Variants in RBFOX1 observed in about 807,000 individuals in gnomAD.
RBFOX1 encodes the protein RNA binding protein fox-1 homolog 1.
Under a neutral mutation model 57.7 loss-of-function variants are expected in RBFOX1, and 8 were observed. That is an observed-to-expected ratio of 0.14 (90% confidence interval 0.08 to 0.25). RBFOX1 has a LOEUF of 0.25. Among genes scored for constraint, RBFOX1 ranks in the 10% least tolerant of loss-of-function variants. The pLI, the probability that RBFOX1 is intolerant of heterozygous loss-of-function variation, is 1.00. For missense variants in RBFOX1, 611 were observed against 548.5 expected (o/e 1.11, Z -1.14); for synonymous variants, 326 against 222.4 (o/e 1.47, Z -4.15).
Position 6,371,524 on chromosome 16 carries a change from A to G in RBFOX1, c.-64+54467A>G, listed in dbSNP as rs116144329. On this transcript the variant is annotated intron_variant, in intron 2 of 15. Coordinates refer to ENST00000550418, the MANE Select transcript of RBFOX1 (RefSeq NM_018723.4). ...AAGCTGGCTCCTGTATCATTTTGAC[A>G]TAAACCCGTAAGTTTTTTTTAATAA... Among the ~76,000 whole-genome samples, 580 of 152,240 alleles carry G rather than the reference A, an allele frequency of 3.8e-3. 6 individuals are homozygous for G. Among genetic ancestry groups the G allele is most frequent in the African/African-American group, 0.013 (536 of 41,546 alleles).
chr16:6,836,541 A>G (rs2093111050), intron 3 of RBFOX1, among the ~76,000 whole-genome samples: 1 of 152,174 alleles, frequency 6.6e-6, no homozygotes, highest in Admixed American at 6.5e-5. Flanking sequence ...ACCACGAATG[A>G]CACCTTCAAA....
At chr16:5,587,782 C>G (rs1341498097) in intron 2 of RBFOX1, among the ~76,000 whole-genome samples, 1 of 152,186 alleles carries the variant, frequency 6.6e-6, no homozygotes, top group Non-Finnish European at 1.5e-5. Context: ...ACAGCTGTCA[C>G]TTGAGAAAAC....
At chr16:7,552,947 C>T (rs1235596925) in intron 5 of RBFOX1, among the ~76,000 whole-genome samples, 6 of 152,038 alleles carry the variant, frequency 3.9e-5, no homozygotes, top group Non-Finnish European at 5.9e-5. Flanking sequence ...ACTCCCAAAG[C>T]ACTGGGATTA....
At chr16:6,413,623 G>C (rs568898361) in intron 2 of RBFOX1, among the ~76,000 whole-genome samples, 33 of 152,300 alleles carry the variant, frequency 2.2e-4, no homozygotes, top group African/African-American at 7.7e-4. Context: ...AAAGAAAAAA[G>C]TGTTTGTGAA....
chr16:5,597,280 T>G (rs1292294556), intron 2 of RBFOX1, among the ~76,000 whole-genome samples: 2 of 137,656 alleles, frequency 1.5e-5, no homozygotes, highest in African/African-American at 5.4e-5. Flanking sequence ...CTTCCCTCTT[T>G]CTCTCCGTTG....
At chr16:6,255,434 T>C (rs1030656870) in intron 1 of RBFOX1, among the ~76,000 whole-genome samples, 5 of 152,002 alleles carry the variant, frequency 3.3e-5, no homozygotes, top group Admixed American at 3.3e-4. Context: ...GTGGAGGAAA[T>C]GCAAGTTGGT....
chr16:7,189,277 T>C (rs151268385), intron 4 of RBFOX1, among the ~76,000 whole-genome samples: 7,148 of 151,404 alleles, frequency 0.047, 543 homozygotes, highest in African/African-American at 0.17. Flanking sequence ...TACAAAAAAA[T>C]TAGCCGGGCG....
chr16:5,628,233 G>A (rs560613552), intron 3 of RBFOX1, among the ~76,000 whole-genome samples: 1 of 152,284 alleles, frequency 6.6e-6, no homozygotes, highest in South Asian at 2.1e-4. Context: ...TTGAGGACTT[G>A]GGAGTTGAAA....
intron 9 of RBFOX1, among the ~76,000 whole-genome samples, chr16:7,599,289 G>A (rs1392323113): frequency 6.6e-6 from 1 of 152,242 alleles, no homozygotes; most frequent in Admixed American, 6.5e-5. Flanking sequence ...TTGCACTGGT[G>A]CCCAGGCACA....
intron 2 of RBFOX1, among the ~76,000 whole-genome samples, chr16:5,485,469 A>G (rs922732404): frequency 2.6e-5 from 4 of 152,152 alleles, no homozygotes; most frequent in Non-Finnish European, 5.9e-5. Context: ...ACCTACCACA[A>G]TTAGATAAAT....
chr16:5,882,480 T>C (rs1033974858), intron 4 of RBFOX1, among the ~76,000 whole-genome samples: 4 of 152,256 alleles, frequency 2.6e-5, no homozygotes, highest in East Asian at 1.9e-4. Flanking sequence ...CTGGGAAATG[T>C]AGTCCAGCTG....
chr16:5,282,266 C>T (rs2063291557), intron 1 of RBFOX1, among the ~76,000 whole-genome samples: 1 of 152,204 alleles, frequency 6.6e-6, no homozygotes, highest in Non-Finnish European at 1.5e-5. Context: ...ACTGTAAGTC[C>T]ATTAAACCTT....
chr16:5,754,696 C>G (rs1301922190), intron 3 of RBFOX1, among the ~76,000 whole-genome samples: 1 of 76,746 alleles, frequency 1.3e-5, no homozygotes, highest in African/African-American at 5.4e-5. Context: ...AAGTGCTGTG[C>G]TTTTAGATAT....
At chr16:6,239,565 C>G (rs1415277541) in intron 1 of RBFOX1, among the ~76,000 whole-genome samples, 1 of 145,382 alleles carries the variant, frequency 6.9e-6, no homozygotes, top group Non-Finnish European at 1.5e-5. Flanking sequence ...GTGGCACAAC[C>G]TCGGCTTACT....
chr16:7,337,106 C>A (rs562031965), intron 4 of RBFOX1, among the ~76,000 whole-genome samples: 1 of 152,094 alleles, frequency 6.6e-6, no homozygotes, highest in African/African-American at 2.4e-5. Flanking sequence ...CTTTAATTCC[C>A]CTTTGCCTAT....
intron 3 of RBFOX1, among the ~76,000 whole-genome samples, chr16:5,724,504 C>T (rs556643164): frequency 2.5e-4 from 38 of 152,214 alleles, no homozygotes; most frequent in African/African-American, 8.4e-4. Context: ...GGTTTGAACC[C>T]AGGACCCATT....
intron 11 of RBFOX1, among the ~76,000 whole-genome samples, chr16:7,632,843 T>C (rs565604980): frequency 2.0e-5 from 3 of 152,372 alleles, no homozygotes; most frequent in South Asian, 2.1e-4. Flanking sequence ...AGTATGGCTC[T>C]ATATGATGAT....
chr16:6,466,020 C>T (rs1270892404), intron 2 of RBFOX1, among the ~76,000 whole-genome samples: 5 of 151,676 alleles, frequency 3.3e-5, no homozygotes, highest in East Asian at 1.9e-4. Flanking sequence ...CTTGAGGTCA[C>T]GAGTTTGAGA....
At chr16:6,610,306 C>A (rs564325134) in intron 2 of RBFOX1, among the ~76,000 whole-genome samples, 1 of 145,922 alleles carries the variant, frequency 6.9e-6, no homozygotes, top group African/African-American at 2.4e-5. Context: ...AGAAACTCAT[C>A]TGGACCAGGG....
Sources: allele counts gnomAD v4.1 joint callset (sites outside exome capture counted in the v4.1 genomes callset), GRCh38; gene constraint gnomAD v4.1.1; transcripts MANE v1.5; gene names NCBI Gene and HGNC (gene_info 2026-07-23, HGNC 2026-07-21).